Variants in PITPNM3 observed in about 807,000 individuals in gnomAD.
PITPNM3 encodes PITPNM family member 3.
A neutral mutation model predicts 102.0 loss-of-function variants in PITPNM3; 26 were observed. That is an observed-to-expected ratio of 0.25 (90% CI 0.19 to 0.35). The LOEUF (loss-of-function observed/expected upper bound fraction) is 0.35. Ranked by LOEUF, PITPNM3 falls within the 10% of genes least tolerant of loss-of-function variation. The pLI is 1.00. For synonymous variants in PITPNM3, 578 were observed against 558.6 expected (o/e 1.03, Z -0.49); for missense variants, 1,083 against 1,346.1 (o/e 0.80, Z 3.06).
chr17:6,463,984 G>A, intron 16 of PITPNM3, 103 bp from the exon 17 acceptor site: 1 of 1,560,180 alleles, frequency 6.4e-7, no homozygotes, highest in Non-Finnish European at 8.7e-7. Context: ...TCTGGGTCAA[G>A]GTCAGAGAGC....
chr17:6,552,823 A>G (rs1052362040), intron 1 of PITPNM3, among the ~76,000 whole-genome samples: 5 of 141,806 alleles, frequency 3.5e-5, no homozygotes, highest in African/African-American at 1.1e-4. Flanking sequence ...CTGGAGTGCA[A>G]CGGCACGATC....
chr17:6,487,114 A>G (rs967342713), intron 4 of PITPNM3, among the ~76,000 whole-genome samples: 2 of 152,142 alleles, frequency 1.3e-5, no homozygotes, highest in African/African-American at 4.8e-5. Flanking sequence ...GCTGTGAGTC[A>G]AGAAGAACCA....
Position 6,457,349 on chromosome 17 carries a change from C to T in PITPNM3, c.2619+245G>A, listed in dbSNP as rs1016818228. On this transcript the variant is annotated intron_variant, in intron 19 of 19. Coordinates refer to ENST00000262483, the MANE Select transcript of PITPNM3 (RefSeq NM_031220.4). This position sits in a 1 kb window ranked among gnomAD's most constrained non-coding sequence, Gnocchi z 4.7. ...ACTTGTTACACTCCACTGTCACCAA[C>T]TGCAAATGTGTCCATCTCGCCACTA... Among the ~76,000 whole-genome samples the T allele has an allele frequency of 6.6e-6, 1 of 152,250 alleles. No individual in the cohort carries two copies. The highest frequency in any genetic ancestry group is 1.5e-5 in the Non-Finnish European group (1 of 68,044).
At chr17:6,483,234 G>A (rs993589566) in intron 6 of PITPNM3, among the ~76,000 whole-genome samples, 3 of 151,972 alleles carry the variant, frequency 2.0e-5, no homozygotes, top group Admixed American at 6.6e-5. Context: ...GTGAGCCACC[G>A]CACCCGGCCA....
chr17:6,482,020 C>CTCTCTG (rs1905743463), intron 6 of PITPNM3, among the ~76,000 whole-genome samples: 1 of 101,090 alleles, frequency 9.9e-6, no homozygotes, highest in African/African-American at 5.0e-5. Context: ...CTCTCTCTCT[C>CTCTCTG]TCTCTCTCTC....
Position 6,472,765 on chromosome 17 carries a change from C to A in PITPNM3, c.1321G>T (p.Ala441Ser). 6.2e-7 allele frequency: 1 copy of A among 1,613,988 alleles called. No individual in the cohort carries two copies. The highest frequency in any genetic ancestry group is 8.5e-7 in the Non-Finnish European group (1 of 1,179,948). ...YSFFHCADPS[A>S]SRLEPLLEPK... is the part of the protein sequence containing the mutation. ...TCCAGCAGTGGCTCGAGCCGTGAGG[C>A]AGAGGGGTCTGCGCAATGGAAGAAG... Residue 441 changes from alanine to serine, a missense_variant, in exon 11 of 20, where the codon GCC becomes TCC. Physicochemically the swap from Ala to Ser is moderately conservative, Grantham distance 99 (BLOSUM62 1). Coordinates refer to ENST00000262483, the MANE Select transcript of PITPNM3 (RefSeq NM_031220.4). This position sits in a 1 kb window ranked among gnomAD's most constrained non-coding sequence, Gnocchi z 4.1.
chr17:6,471,634 C>G (rs1469918176), intron 11 of PITPNM3, among the ~76,000 whole-genome samples: 1 of 152,224 alleles, frequency 6.6e-6, no homozygotes, highest in African/African-American at 2.4e-5. Context: ...ATCACCCCTA[C>G]CTCCAATAAA....
rs367912573 is a variant in PITPNM3, at chr17:6,461,270, T to G, written c.2490+103A>C. The stretch of plus-strand genomic sequence containing the variant: ...ATCCACGGGAATGGGATTTACAGAC[T>G]GCACATCACAAGGCCCCACCCGGGA... On this transcript the variant is annotated intron_variant, in intron 18 of 19. Coordinates refer to ENST00000262483, the MANE Select transcript of PITPNM3 (RefSeq NM_031220.4). 102 of 1,367,964 alleles carry G rather than the reference T, an allele frequency of 7.5e-5. No individual in the cohort carries two copies. The African/African-American group carries it at 1.3e-3, about 18-fold the overall frequency. 84.7% of individuals were successfully genotyped at this position (1,367,964 alleles called of 1,614,324 possible).
chr17:6,531,580 C>A (rs777059618), intron 2 of PITPNM3, among the ~76,000 whole-genome samples: 1 of 152,248 alleles, frequency 6.6e-6, no homozygotes, highest in African/African-American at 2.4e-5. Context: ...TCCTGCACTA[C>A]GGACTCTGAG....
intron 4 of PITPNM3, among the ~76,000 whole-genome samples, chr17:6,497,053 C>T (rs1488601641): frequency 6.6e-6 from 1 of 152,084 alleles, no homozygotes; most frequent in African/African-American, 2.4e-5. Flanking sequence ...AAAAGTGCTC[C>T]CAAGGCGGAC....
At chr17:6,524,889 G>A (rs1908738912) in intron 3 of PITPNM3, among the ~76,000 whole-genome samples, 1 of 152,116 alleles carries the variant, frequency 6.6e-6, no homozygotes, top group Non-Finnish European at 1.5e-5. Context: ...AAGCCTCCTG[G>A]ATTAATCCCC....
chr17:6,505,069 G>A (rs891485994), intron 3 of PITPNM3, among the ~76,000 whole-genome samples: 9 of 151,888 alleles, frequency 5.9e-5, no homozygotes, highest in Non-Finnish European at 1.0e-4. Flanking sequence ...GAAGCTACTC[G>A]GGAGGCTGAG....
rs574100861 is a variant in PITPNM3 at position 6,468,135 on chromosome 17, T to G, written c.1890+90A>C. 1 of 1,252,588 alleles carries G rather than the reference T, an allele frequency of 8.0e-7. No homozygotes were observed. Among genetic ancestry groups the G allele is most frequent in the African/African-American group, 1.5e-5 (1 of 67,856 alleles). 77.6% of individuals were successfully genotyped at this position (1,252,588 alleles called of 1,614,324 possible). On this transcript the variant is annotated intron_variant, in intron 14 of 19. Transcript: ENST00000262483. This position sits in a 1 kb window ranked among gnomAD's most constrained non-coding sequence, Gnocchi z 5.2. ...AGCTCTGAGGACAAATTGAAGCGCTTACCTCCCATGTGGATGCCCCAGCCC... is the reference window on the plus strand; with the variant it reads ...AGCTCTGAGGACAAATTGAAGCGCTGACCTCCCATGTGGATGCCCCAGCCC...
rs1284572386 is a variant in PITPNM3 at position 6,517,823 on chromosome 17, G to GT, written c.226+7532dup. Among the ~76,000 whole-genome samples, 1 of 152,152 alleles carries GT rather than the reference G, an allele frequency of 6.6e-6. No individual in the cohort carries two copies. The highest frequency in any genetic ancestry group is 1.5e-5 in the Non-Finnish European group (1 of 68,028). Reference sequence around the variant, plus strand: ...GATCCTCCCACCTCGGCCTCCCAAAGTATTGGGATTACAGGCATGAGCCAC... The same window carrying GT: ...GATCCTCCCACCTCGGCCTCCCAAAGTTATTGGGATTACAGGCATGAGCCAC... On this transcript the variant is annotated intron_variant, in intron 3 of 19. Transcript: ENST00000262483. This position sits in a 1 kb window ranked among gnomAD's most constrained non-coding sequence, Gnocchi z 4.1.
intron 4 of PITPNM3, among the ~76,000 whole-genome samples, chr17:6,500,675 A>G (rs2150604259): frequency 6.8e-6 from 1 of 146,446 alleles, no homozygotes; most frequent in East Asian, 2.0e-4. Context: ...CTAAATAAGA[A>G]CACTCTTTTT....
intron 1 of PITPNM3, among the ~76,000 whole-genome samples, chr17:6,555,555 C>T (rs1453575781): frequency 6.6e-6 from 1 of 152,224 alleles, no homozygotes; most frequent in Non-Finnish European, 1.5e-5. Flanking sequence ...CTCCACCCGC[C>T]TCCCAAGGCA....
chr17:6,526,337 T>G (rs991466491), intron 2 of PITPNM3, among the ~76,000 whole-genome samples: 16 of 152,208 alleles, frequency 1.1e-4, no homozygotes, highest in Non-Finnish European at 1.9e-4. Context: ...GACAAACCCT[T>G]AGGCATGTGT....
intron 17 of PITPNM3, among the ~76,000 whole-genome samples, chr17:6,463,457 A>AG (rs1201326995): frequency 1.0e-4 from 15 of 150,596 alleles, no homozygotes; most frequent in Admixed American, 2.0e-4. Flanking sequence ...CAGGGAGGGA[A>AG]GAAGGAAAAA....
intron 17 of PITPNM3, among the ~76,000 whole-genome samples, chr17:6,463,417 G>GGGAGGGAGTCAGGGAGGGAA (rs1555550935): frequency 8.5e-5 from 5 of 58,720 alleles, no homozygotes; most frequent in Non-Finnish European, 4.0e-5. Flanking sequence ...CACGAGTGCA[G>GGGAGGGAGTCAGGGAGGGAA]GGAGGGAGGC....
Sources: gnomAD v4.1 joint callset for allele counts (sites outside exome capture counted in the v4.1 genomes callset) on GRCh38, gnomAD v4.1.1 for gene constraint, Gnocchi (gnomAD v3.1) non-coding constraint, MANE v1.5 for transcripts, NCBI Gene and HGNC (gene_info 2026-07-23, HGNC 2026-07-21) for gene names.